Variants in DAB1 observed in about 807,000 individuals in gnomAD.
DAB1 encodes the protein DAB adaptor protein 1.
A neutral mutation model predicts 64.6 loss-of-function variants in DAB1; 15 were observed. That is an observed-to-expected ratio of 0.23 (90% CI 0.16 to 0.36). DAB1 has a LOEUF of 0.36. Ranked by LOEUF, DAB1 falls within the 10% of genes least tolerant of loss-of-function variation. DAB1 has a pLI of 1.00. For missense variants in DAB1, 596 were observed against 706.7 expected, an observed-to-expected ratio of 0.84 and a Z score of 1.78; for synonymous variants, 235 against 251.9, an observed-to-expected ratio of 0.93 and a Z score of 0.64.
At chr1:57,436,630 TTTAAATTCCA>T (rs1414972967) in intron 7 of DAB1, among the ~76,000 whole-genome samples, 2 of 152,180 alleles carry the variant, frequency 1.3e-5, no homozygotes, top group Non-Finnish European at 2.9e-5. Flanking sequence ...ACAAGTACCC[TTTAAATTCCA>T]TTAATGCGAG....
intron 3 of DAB1, among the ~76,000 whole-genome samples, chr1:58,480,552 G>A (rs1322673846): frequency 6.6e-6 from 1 of 151,944 alleles, no homozygotes; most frequent in Non-Finnish European, 1.5e-5. Flanking sequence ...ACTATTTCCT[G>A]CAAACAGATA....
chr1:57,977,708 A>AT (rs11447318), intron 5 of DAB1, among the ~76,000 whole-genome samples: 149,516 of 152,278 alleles, frequency 0.98, 73,461 homozygotes, highest in South Asian at 1. Context: ...TGCTGACGAC[A>AT]TCCCCCGGAC....
At chr1:57,608,006 C>T (rs897613064) in intron 7 of DAB1, among the ~76,000 whole-genome samples, 1 of 152,090 alleles carries the variant, frequency 6.6e-6, no homozygotes, top group Non-Finnish European at 1.5e-5. Flanking sequence ...TGCTGGACAG[C>T]CAACGCCCTT....
chr1:57,316,905 TCTC>T (rs1258981643), intron 1 of DAB1, among the ~76,000 whole-genome samples: 1 of 152,220 alleles, frequency 6.6e-6, no homozygotes, highest in Non-Finnish European at 1.5e-5. Flanking sequence ...CCTTTGGTAG[TCTC>T]CTCACTGAGT....
chr1:58,251,913 T>C (rs568803340), intron 4 of DAB1, among the ~76,000 whole-genome samples: 84 of 152,200 alleles, frequency 5.5e-4, no homozygotes, highest in African/African-American at 2.0e-3. Context: ...CCCTTTCAAG[T>C]TCCCTGACCT....
At chr1:58,536,330 G>C (rs553730091) in intron 1 of DAB1, among the ~76,000 whole-genome samples, 24 of 152,184 alleles carry the variant, frequency 1.6e-4, no homozygotes, top group Non-Finnish European at 4.4e-5. Context: ...GTGAATGCTA[G>C]GAAAAGCAAT....
chr1:57,119,779 T>C (rs1656469972), intron 4 of DAB1, among the ~76,000 whole-genome samples: 1 of 152,144 alleles, frequency 6.6e-6, no homozygotes. Context: ...GGCGGTTCCC[T>C]ACAGCAAAAC....
At chr1:58,332,664 A>G (rs531867600) in intron 4 of DAB1, among the ~76,000 whole-genome samples, 1 of 152,328 alleles carries the variant, frequency 6.6e-6, no homozygotes, top group African/African-American at 2.4e-5. Flanking sequence ...CAAAAAGGAG[A>G]AGAATTAATT....
intron 7 of DAB1, among the ~76,000 whole-genome samples, chr1:57,553,412 A>AAG (rs1309965225): frequency 7.1e-5 from 1 of 14,022 alleles, no homozygotes; most frequent in Non-Finnish European, 8.8e-4. Flanking sequence ...GAAAGAAAGA[A>AAG]AGAAAGAAAG....
intron 4 of DAB1, among the ~76,000 whole-genome samples, chr1:58,205,243 A>C (rs1159004990): frequency 6.6e-6 from 1 of 151,832 alleles, no homozygotes; most frequent in Non-Finnish European, 1.5e-5. Context: ...GGCAAGACTT[A>C]TTTTTTTTCT....
intron 1 of DAB1, among the ~76,000 whole-genome samples, chr1:57,404,831 A>C (rs269047): frequency 0.037 from 5,636 of 152,316 alleles, 323 homozygotes; most frequent in African/African-American, 0.12. Context: ...CGCTAATGAA[A>C]ACCCAAAGAG....
At chr1:57,807,026 A>T (rs1651393953) in intron 6 of DAB1, among the ~76,000 whole-genome samples, 1 of 152,104 alleles carries the variant, frequency 6.6e-6, no homozygotes, top group Non-Finnish European at 1.5e-5. Flanking sequence ...GAATGAACCT[A>T]TGTGTGCTCT....
chr1:57,072,273 G>A lies in DAB1; in HGVS notation c.438+10C>T, dbSNP rs769093224. ...AAGGAAAGACTCCCTTCTTGGATAG[G>A]GATACTCACCGCCTGGGCTGTTTTT... On this transcript the variant is annotated intron_variant, in intron 5 of 14. Transcript: ENST00000371236. 8 of 1,612,868 alleles carry A rather than the reference G, an allele frequency of 5.0e-6. No individual in the cohort carries two copies. The highest frequency in any genetic ancestry group is 1.3e-5 in the African/African-American group (1 of 74,852).
At chr1:57,939,666 T>C (rs1645075450) in intron 5 of DAB1, among the ~76,000 whole-genome samples, 1 of 152,184 alleles carries the variant, frequency 6.6e-6, no homozygotes, top group Non-Finnish European at 1.5e-5. Context: ...CTAGACTTAA[T>C]CTCCCCACTA....
At chr1:57,836,952 T>A (rs1652835743) in intron 1 of DAB1, among the ~76,000 whole-genome samples, 1 of 152,184 alleles carries the variant, frequency 6.6e-6, no homozygotes, top group African/African-American at 2.4e-5. Context: ...TCCATCCATC[T>A]GACTGCTCAA....
chr1:58,313,805 C>T (rs1006003345), intron 4 of DAB1, among the ~76,000 whole-genome samples: 16 of 146,462 alleles, frequency 1.1e-4, no homozygotes, highest in Non-Finnish European at 1.8e-4. Flanking sequence ...TGGCCATCCT[C>T]TCATTGTATC....
At chr1:58,068,518 C>A (rs569316348) in intron 5 of DAB1, among the ~76,000 whole-genome samples, 17 of 152,202 alleles carry the variant, frequency 1.1e-4, no homozygotes, top group African/African-American at 3.6e-4. Context: ...GTAATCCCAG[C>A]ACTTTGGGGG....
intron 5 of DAB1, among the ~76,000 whole-genome samples, chr1:58,140,077 C>T (rs932732012): frequency 1.3e-5 from 2 of 152,156 alleles, no homozygotes; most frequent in Admixed American, 6.5e-5. Flanking sequence ...TACCGTACTA[C>T]CCTTTATCGC....
chr1:57,640,649 AG>A (rs1646117259), intron 7 of DAB1, among the ~76,000 whole-genome samples: 1 of 152,294 alleles, frequency 6.6e-6, no homozygotes, highest in East Asian at 1.9e-4. Flanking sequence ...CAACTCAAAT[AG>A]GGTATTAGGT....
Sources: allele counts gnomAD v4.1 joint callset (sites outside exome capture counted in the v4.1 genomes callset), GRCh38; gene constraint gnomAD v4.1.1; transcripts MANE v1.5; gene names NCBI Gene and HGNC (gene_info 2026-07-23, HGNC 2026-07-21).